ATF6: variants seen among roughly 807,000 people sequenced by gnomAD.
ATF6 encodes the protein activating transcription factor 6.
In ATF6, 53 loss-of-function variants were observed where a neutral mutation model predicts 83.6. The ratio of observed to expected loss-of-function variants is 0.63; its 90% CI spans 0.51 to 0.80. The LOEUF is 0.80. Ranked by LOEUF, ATF6 falls within the 30% of genes least tolerant of loss-of-function variation. The probability of loss-of-function intolerance (pLI) is 0.00; values close to 1 mark genes in which losing one functional copy is unlikely to be tolerated. For missense variants in ATF6, 744 were observed against 797.9 expected, an observed-to-expected ratio of 0.93 and a Z score of 0.81; for synonymous variants, 288 against 285.8, an observed-to-expected ratio of 1.01 and a Z score of -0.08.
chr1:161,860,012 A>C (rs1180296350), intron 12 of ATF6, among the ~76,000 whole-genome samples, 195 bp from the exon 13 acceptor site: 1 of 152,132 alleles, frequency 6.6e-6, no homozygotes. Context: ...CTTAATCTCC[A>C]TAAGACACTT....
At chr1:161,897,742 G>C (rs1187484358) in intron 14 of ATF6, among the ~76,000 whole-genome samples, 1 of 152,148 alleles carries the variant, frequency 6.6e-6, no homozygotes, top group Non-Finnish European at 1.5e-5. Flanking sequence ...AAGACTTAGG[G>C]TGAAGAAAAA....
At chr1:161,936,144 C>T (rs1402981320) in intron 15 of ATF6, among the ~76,000 whole-genome samples, 1 of 152,190 alleles carries the variant, frequency 6.6e-6, no homozygotes, top group Non-Finnish European at 1.5e-5. Flanking sequence ...CACAACGCTA[C>T]TGGTGTGTTA....
At chr1:161,787,180 A>G (rs1684764920) in intron 4 of ATF6, among the ~76,000 whole-genome samples, 1 of 152,098 alleles carries the variant, frequency 6.6e-6, no homozygotes, top group Non-Finnish European at 1.5e-5. Context: ...AACCTATTCC[A>G]TTGTGAAGTT....
intron 1 of ATF6, among the ~76,000 whole-genome samples, chr1:161,768,982 A>G (rs1684327923): frequency 6.6e-6 from 1 of 152,264 alleles, no homozygotes; most frequent in Non-Finnish European, 1.5e-5. Flanking sequence ...TGATTAACTC[A>G]GAACAGCCTG....
chr1:161,784,075 T>C lies in ATF6; in HGVS notation c.333T>C (p.Tyr111=), dbSNP rs371492824. The change falls in exon 4 of 16, where the codon TAT becomes TAC. Residue 111 remains tyrosine (Y), a synonymous_variant. Coordinates refer to ENST00000367942, the MANE Select transcript of ATF6 (RefSeq NM_007348.4). ...CGTCTCCTCGGTCAGTGGACTCTTA[T>C]TCTTCAACTCAGCATGTTCCTGTGA... ...SVSSPRSVDS[Y]SSTQHVPEEL... The C allele has an allele frequency of 1.1e-5, 18 of 1,612,784 alleles. No individual in the cohort carries two copies. In the African/African-American group the frequency reaches 1.7e-4, roughly 16 times the overall value.
At position 161,921,815 on chromosome 1, in the gene ATF6, C is replaced by G. The variant is rs5014880; in HGVS notation, c.1804+9435C>G. Among the ~76,000 whole-genome samples, 1,513 of 152,212 alleles carry G rather than the reference C, an allele frequency of 9.9e-3. 8 individuals carry two copies. The highest frequency in any genetic ancestry group is 0.017 in the South Asian group (82 of 4,810). ...TTCCTTTTTGTTAGATACTACCAGC[C>G]CCCTCACAAGTTAGTGTCCCTTTCC... On this transcript the variant is annotated intron_variant, in intron 15 of 15. Coordinates refer to ENST00000367942, the MANE Select transcript of ATF6 (RefSeq NM_007348.4).
At chr1:161,888,768 A>G (rs12030395) in intron 14 of ATF6, among the ~76,000 whole-genome samples, 19,648 of 151,984 alleles carry the variant, frequency 0.13, 1,789 homozygotes, top group East Asian at 0.32. Context: ...CATCCTTCAT[A>G]TCATCCATCA....
In ATF6 at chr1:161,846,595, A is replaced by G. The variant is rs774697936; in HGVS notation, c.1319+15A>G. The G allele has an allele frequency of 2.5e-6, 4 of 1,590,812 alleles. No homozygotes were observed. Among genetic ancestry groups the G allele is most frequent in the South Asian group, 1.1e-5 (1 of 87,832 alleles). On this transcript the variant is annotated intron_variant, in intron 10 of 15. Transcript: ENST00000367942. Reference sequence around the variant, plus strand: ...AACAGCTACAGGTAAGATGGCATGCATCTATCTTTTGGCCTAAGTGATTTA... The same window carrying G: ...AACAGCTACAGGTAAGATGGCATGCGTCTATCTTTTGGCCTAAGTGATTTA...
intron 14 of ATF6, among the ~76,000 whole-genome samples, chr1:161,881,147 T>C (rs1325729035): frequency 1.3e-5 from 2 of 152,156 alleles, no homozygotes; most frequent in Non-Finnish European, 2.9e-5. Flanking sequence ...GTGTGTTGTT[T>C]TGTTTAGCAG....
chr1:161,886,269 A>C (rs994520626), intron 14 of ATF6, among the ~76,000 whole-genome samples: 2 of 152,224 alleles, frequency 1.3e-5, no homozygotes, highest in African/African-American at 2.4e-5. Context: ...TAGAAGACAG[A>C]AATATGATCA....
At chr1:161,829,134 A>C (rs1338584587) in intron 9 of ATF6, among the ~76,000 whole-genome samples, 1 of 151,806 alleles carries the variant, frequency 6.6e-6, no homozygotes, top group African/African-American at 2.4e-5. Context: ...TTCATAAAGC[A>C]AGTCCTTAGA....
intron 6 of ATF6, among the ~76,000 whole-genome samples, chr1:161,799,262 A>G (rs1238041751): frequency 6.6e-6 from 1 of 152,248 alleles, no homozygotes; most frequent in African/African-American, 2.4e-5. Context: ...AAAAAGAATG[A>G]AATCATGTTC....
chr1:161,801,095 C>G (rs1256442863), intron 6 of ATF6, among the ~76,000 whole-genome samples: 1 of 152,062 alleles, frequency 6.6e-6, no homozygotes, highest in Non-Finnish European at 1.5e-5. Context: ...TGTCAGCACT[C>G]AAAAAGTTTT....
Position 161,953,806 on chromosome 1 carries a change from C to T in ATF6, c.1805-4640C>T, listed in dbSNP as rs182584251. Among the ~76,000 whole-genome samples the T allele has an allele frequency of 5.9e-5, 9 of 152,294 alleles. No individual in the cohort carries two copies. The East Asian group carries it at 1.5e-3, about 26-fold the overall frequency. ...TAACTGAGGGGCTCTAGTTTTACCACGCTCCCTGACCAGCTTCAATTTCAC... is the reference window on the plus strand; with the variant it reads ...TAACTGAGGGGCTCTAGTTTTACCATGCTCCCTGACCAGCTTCAATTTCAC... On this transcript the variant is annotated intron_variant, in intron 15 of 15. Transcript: ENST00000367942.
chr1:161,818,530 G>A (rs1158918206), intron 7 of ATF6, among the ~76,000 whole-genome samples: 2 of 152,138 alleles, frequency 1.3e-5, no homozygotes, highest in Admixed American at 6.5e-5. Context: ...GCATTAGAGT[G>A]TTCCAGTATA....
chr1:161,779,054 T>G (rs777136301), intron 2 of ATF6, among the ~76,000 whole-genome samples: 1 of 152,232 alleles, frequency 6.6e-6, no homozygotes, highest in Non-Finnish European at 1.5e-5. Context: ...CAGACATTTC[T>G]TAAACAATGA....
At chr1:161,851,887 T>G (rs1273387667) in intron 11 of ATF6, 52 bp downstream of exon 11, 2 of 1,328,720 alleles carry the variant, frequency 1.5e-6, no homozygotes, top group African/African-American at 2.9e-5. Context: ...CCATGTTTAG[T>G]TTTGGAACCT....
intron 14 of ATF6, among the ~76,000 whole-genome samples, chr1:161,908,045 A>G (rs1353186340): frequency 6.6e-6 from 1 of 152,218 alleles, no homozygotes; most frequent in African/African-American, 2.4e-5. Context: ...TAGTTTATGT[A>G]ATATTTTATT....
At chr1:161,929,390 A>G (rs1361070590) in intron 15 of ATF6, among the ~76,000 whole-genome samples, 1 of 152,166 alleles carries the variant, frequency 6.6e-6, no homozygotes, top group African/African-American at 2.4e-5. Context: ...GGCCCTTGCA[A>G]CTAGATACCA....
Sources: gnomAD v4.1 joint callset for allele counts (sites outside exome capture counted in the v4.1 genomes callset) on GRCh38, gnomAD v4.1.1 for gene constraint, MANE v1.5 for transcripts, NCBI Gene and HGNC (gene_info 2026-07-23, HGNC 2026-07-21) for gene names.